Variants in PLPPR1 observed in about 807,000 individuals in gnomAD.
PLPPR1 encodes the protein phospholipid phosphatase-related protein type 1.
A neutral mutation model predicts 33.1 loss-of-function variants in PLPPR1; 10 were observed. The observed-to-expected ratio is 0.30, with a 90% CI of 0.19 to 0.51. The LOEUF is 0.51. Among genes scored for constraint, PLPPR1 ranks in the 20% least tolerant of loss-of-function variants. The pLI, the probability that PLPPR1 is intolerant of heterozygous loss-of-function variation, is 0.97. For synonymous variants in PLPPR1, 151 were observed against 151.0 expected, an observed-to-expected ratio of 1.00 and a Z score of 0.00; for missense variants, 304 against 408.1, an observed-to-expected ratio of 0.74 and a Z score of 2.20.
chr9:101,155,252 A>G (rs928670657), intron 1 of PLPPR1, among the ~76,000 whole-genome samples: 1 of 152,178 alleles, frequency 6.6e-6, no homozygotes, highest in African/African-American at 2.4e-5. Flanking sequence ...GAACTGGAGA[A>G]AGGAGATTGT....
At chr9:101,255,153 T>G (rs754868594) in intron 2 of PLPPR1, among the ~76,000 whole-genome samples, 4 of 152,164 alleles carry the variant, frequency 2.6e-5, no homozygotes, top group Non-Finnish European at 5.9e-5. Flanking sequence ...GTCATTTGGA[T>G]TTCTCTAGCA....
At chr9:101,273,136 G>C (rs1828129674) in intron 3 of PLPPR1, among the ~76,000 whole-genome samples, 1 of 151,934 alleles carries the variant, frequency 6.6e-6, no homozygotes, top group Non-Finnish European at 1.5e-5. Flanking sequence ...CAGTATTGTG[G>C]GTAAGATCTT....
At chr9:101,156,699 T>A (rs990296895) in intron 1 of PLPPR1, among the ~76,000 whole-genome samples, 1 of 150,418 alleles carries the variant, frequency 6.6e-6, no homozygotes, top group Non-Finnish European at 1.5e-5. Flanking sequence ...TTCTGTCTTA[T>A]AGGGTTTGGG....
chr9:101,322,750 C>T (rs1236955565), intron 7 of PLPPR1, among the ~76,000 whole-genome samples: 2 of 152,142 alleles, frequency 1.3e-5, no homozygotes, highest in Non-Finnish European at 2.9e-5. Flanking sequence ...TCCTCAGTCA[C>T]AGGAGATTGT....
intron 2 of PLPPR1, among the ~76,000 whole-genome samples, chr9:101,257,480 G>A (rs1308086743): frequency 2.0e-5 from 3 of 152,114 alleles, no homozygotes; most frequent in Admixed American, 2.0e-4. Flanking sequence ...CTCACATCTT[G>A]GTTTAGAGGG....
chr9:101,037,803 G>A (rs992781683), intron 1 of PLPPR1, among the ~76,000 whole-genome samples: 23 of 147,356 alleles, frequency 1.6e-4, no homozygotes, highest in African/African-American at 5.5e-4. Context: ...TTTTTTTTCT[G>A]CTGTAAAAGC....
At chr9:101,299,803 A>G (rs1350550480) in intron 4 of PLPPR1, among the ~76,000 whole-genome samples, 2 of 152,176 alleles carry the variant, frequency 1.3e-5, no homozygotes, top group African/African-American at 4.8e-5. Flanking sequence ...TCTCTGCCAG[A>G]TAATTCTTTT....
intron 1 of PLPPR1, among the ~76,000 whole-genome samples, chr9:101,039,865 G>A (rs117427379): frequency 0.015 from 2,295 of 151,482 alleles, 34 homozygotes; most frequent in Non-Finnish European, 0.023. Flanking sequence ...GGGAATTGTG[G>A]GAATTACAAT....
chr9:101,186,414 T>A (rs1826204479), intron 2 of PLPPR1, among the ~76,000 whole-genome samples: 2 of 151,776 alleles, frequency 1.3e-5, no homozygotes, highest in Admixed American at 1.3e-4. Context: ...TCTGGGTAAC[T>A]GAAGGATAGT....
intron 4 of PLPPR1, among the ~76,000 whole-genome samples, chr9:101,303,958 G>A (rs1002388338): frequency 6.6e-6 from 1 of 152,148 alleles, no homozygotes; most frequent in Non-Finnish European, 1.5e-5. Flanking sequence ...ATCATGACTT[G>A]AGTTTCTTGT....
intron 4 of PLPPR1, among the ~76,000 whole-genome samples, chr9:101,296,608 A>G (rs935053954): frequency 1.3e-5 from 2 of 152,256 alleles, no homozygotes; most frequent in Non-Finnish European, 2.9e-5. Context: ...ACCATGGAAT[A>G]CTATGCAGCC....
intron 1 of PLPPR1, among the ~76,000 whole-genome samples, chr9:101,078,204 G>A (rs1406369512): frequency 1.6e-5 from 1 of 63,608 alleles, no homozygotes; most frequent in African/African-American, 5.9e-5. Context: ...GGGAGGGGGA[G>A]GGGGAGGGGG....
At chr9:101,192,924 G>A (rs1412056868) in intron 2 of PLPPR1, among the ~76,000 whole-genome samples, 1 of 152,148 alleles carries the variant, frequency 6.6e-6, no homozygotes, top group African/African-American at 2.4e-5. Context: ...ATATCAGAAT[G>A]AGGACAATAC....
At chr9:101,208,616 CA>C (rs113890342) in intron 2 of PLPPR1, among the ~76,000 whole-genome samples, 6,096 of 152,164 alleles carry the variant, frequency 0.04, 371 homozygotes, top group African/African-American at 0.14. Flanking sequence ...TTAGTTTTGC[CA>C]AATCACTGAA....
chr9:101,221,087 C>T (rs976699810), intron 2 of PLPPR1, among the ~76,000 whole-genome samples: 1 of 152,068 alleles, frequency 6.6e-6, no homozygotes, highest in Admixed American at 6.6e-5. Context: ...TTACCATAGG[C>T]CTGTTTTCTT....
At chr9:101,190,445 G>C (rs1282168571) in intron 2 of PLPPR1, among the ~76,000 whole-genome samples, 1 of 152,164 alleles carries the variant, frequency 6.6e-6, no homozygotes, top group Non-Finnish European at 1.5e-5. Flanking sequence ...GGCCATGCTT[G>C]AAATGTGTGT....
At chr9:101,064,933 T>C (rs1008780561) in intron 1 of PLPPR1, among the ~76,000 whole-genome samples, 3 of 152,148 alleles carry the variant, frequency 2.0e-5, no homozygotes, top group Admixed American at 1.3e-4. Flanking sequence ...AATCAATGAA[T>C]GGACTAATCC....
intron 2 of PLPPR1, among the ~76,000 whole-genome samples, chr9:101,252,986 CTTA>C (rs1206686712): frequency 6.6e-6 from 1 of 151,894 alleles, no homozygotes; most frequent in Admixed American, 6.6e-5. Context: ...GAAAATAATT[CTTA>C]TTATAACCAA....
intron 1 of PLPPR1, among the ~76,000 whole-genome samples, chr9:101,178,498 C>T (rs531656544): frequency 1.7e-4 from 26 of 152,278 alleles, no homozygotes; most frequent in African/African-American, 5.8e-4. Context: ...CATCTGTGAA[C>T]GTATGGAATG....
Sources: allele counts gnomAD v4.1 joint callset (sites outside exome capture counted in the v4.1 genomes callset), GRCh38; gene constraint gnomAD v4.1.1; transcripts MANE v1.5; gene names NCBI Gene and HGNC (gene_info 2026-07-23, HGNC 2026-07-21).